HECW1: variants seen among roughly 807,000 people sequenced by gnomAD.
HECW1 encodes the protein HECT, C2 and WW domain containing E3 ubiquitin protein ligase 1.
Under a neutral mutation model 182.3 loss-of-function variants are expected in HECW1, and 61 were observed. The ratio of observed to expected loss-of-function variants is 0.33; its 90% CI spans 0.27 to 0.41. HECW1 has a LOEUF of 0.41. Among genes scored for constraint, HECW1 ranks in the 10% least tolerant of loss-of-function variants. HECW1 has a pLI of 1.00. For missense variants in HECW1, 1,739 were observed against 2,108.9 expected (o/e 0.82, Z 3.44); for synonymous variants, 859 against 832.6 (o/e 1.03, Z -0.55).
chr7:43,444,304 G>A lies in HECW1; in HGVS notation c.1132G>A (p.Gly378Arg). The change falls in exon 11 of 30, where the codon GGG (glycine) becomes AGG (arginine). Residue 378 changes from glycine to arginine, a missense_variant. By Grantham distance (125) the Gly-to-Arg change is moderately radical (BLOSUM62 -2). Coordinates refer to ENST00000395891, the MANE Select transcript of HECW1 (RefSeq NM_015052.5). This position sits in a 1 kb window ranked among gnomAD's most constrained non-coding sequence, Gnocchi z 4.3. Reference protein sequence around the residue: ...PMNNLMESGSGEPRSEAPESS... With the variant: ...PMNNLMESGSREPRSEAPESS... ...GAACAACCTGATGGAAAGCGGCAGT[G>A]GGGAACCTCGGTCTGAGGCACCAGA... 1 of 1,614,194 alleles carries A rather than the reference G, an allele frequency of 6.2e-7. No homozygotes were observed. Among genetic ancestry groups the A allele is most frequent in the South Asian group, 1.1e-5 (1 of 91,090 alleles).
At chr7:43,379,321 A>G (rs1190887603) in intron 6 of HECW1, among the ~76,000 whole-genome samples, 6 of 152,132 alleles carry the variant, frequency 3.9e-5, no homozygotes, top group Non-Finnish European at 8.8e-5. Context: ...GGCAATCAGA[A>G]CACAGCCAGC....
rs1293180265 is a variant in HECW1 at position 43,303,430 on chromosome 7, G to C, written c.28-8333G>C. Reference sequence around the variant, plus strand: ...CTTATTGGTGGATTTTTTTTTATGAGCGATAAGGCATTATGTGTTCCTAAA... The same window carrying C: ...CTTATTGGTGGATTTTTTTTTATGACCGATAAGGCATTATGTGTTCCTAAA... On this transcript the variant is annotated intron_variant, in intron 3 of 29. Transcript: ENST00000395891. Among the ~76,000 whole-genome samples, 7 of 150,372 alleles carry C rather than the reference G, an allele frequency of 4.7e-5. No homozygotes were observed. The East Asian group carries it at 1.2e-3, about 25-fold the overall frequency.
intron 2 of HECW1, among the ~76,000 whole-genome samples, chr7:43,214,101 T>C (rs1053974255): frequency 1.5e-4 from 23 of 151,974 alleles, no homozygotes; most frequent in Non-Finnish European, 2.2e-4. Context: ...TTCCCTCTAG[T>C]TTTTCTTTTC....
At chr7:43,340,484 G>T (rs1812829679) in intron 5 of HECW1, among the ~76,000 whole-genome samples, 1 of 151,338 alleles carries the variant, frequency 6.6e-6, no homozygotes. Flanking sequence ...GCCTTCCAAA[G>T]TGCTGGGATT....
intron 2 of HECW1, among the ~76,000 whole-genome samples, chr7:43,207,293 C>T (rs574445691): frequency 1.3e-5 from 2 of 152,246 alleles, no homozygotes; most frequent in East Asian, 1.9e-4. Context: ...GTGCTCTGCC[C>T]ACCTCAGCCA....
intron 12 of HECW1, among the ~76,000 whole-genome samples, chr7:43,452,255 G>A (rs989885851): frequency 1.3e-5 from 2 of 152,200 alleles, no homozygotes; most frequent in African/African-American, 4.8e-5. Flanking sequence ...CTCCAGGAAA[G>A]GGATGCTTTC....
chr7:43,445,335 C>G lies in HECW1; in HGVS notation c.2163C>G (p.Ser721=), dbSNP rs201225073. 1.9e-6 allele frequency: 3 copies of G among 1,613,726 alleles called. No individual in the cohort carries two copies. The highest frequency in any genetic ancestry group is 2.5e-6 in the Non-Finnish European group (3 of 1,180,046). ...NRFASHTRFS[S]VDSAKISEST... ...TCGCCAGCCACACGCGCTTCTCCTCCGTGGACAGCGCCAAGATCTCCGAGA... is the reference window on the plus strand; with the variant it reads ...TCGCCAGCCACACGCGCTTCTCCTCGGTGGACAGCGCCAAGATCTCCGAGA... Residue 721 remains serine (S), a synonymous_variant, in exon 11 of 30, where the codon TCC becomes TCG. Transcript: ENST00000395891.
chr7:43,329,827 G>A (rs983372944), intron 5 of HECW1, among the ~76,000 whole-genome samples: 1 of 152,162 alleles, frequency 6.6e-6, no homozygotes, highest in Admixed American at 6.5e-5. Context: ...GTAAAGTAGT[G>A]TTTCTCAAAG....
chr7:43,173,659 C>G (rs1791914737), intron 2 of HECW1, among the ~76,000 whole-genome samples: 1 of 152,168 alleles, frequency 6.6e-6, no homozygotes, highest in Admixed American at 6.5e-5. Context: ...AGCCACTGAT[C>G]TGACAGGAGG....
At chr7:43,230,776 AAAAC>A (rs758531164) in intron 2 of HECW1, among the ~76,000 whole-genome samples, 16 of 152,264 alleles carry the variant, frequency 1.1e-4, no homozygotes, top group Non-Finnish European at 2.2e-4. Flanking sequence ...AGAAAAAGGA[AAAAC>A]AAACAGCAAA....
chr7:43,276,795 T>C (rs1054837551), intron 3 of HECW1, among the ~76,000 whole-genome samples: 5 of 152,242 alleles, frequency 3.3e-5, no homozygotes, highest in Admixed American at 2.6e-4. Context: ...AGTTCTTTAT[T>C]TGGCACATGC....
At position 43,473,564 on chromosome 7, in the gene HECW1, T is replaced by A. The variant is rs148730123; in HGVS notation, c.3099+4459T>A. 8.0e-4 allele frequency among the ~76,000 whole-genome samples: 122 copies of A among 152,226 alleles called. 2 individuals carry two copies. The East Asian group carries it at 0.018, about 22-fold the overall frequency. ...AGTCTAAATAAAATATGGGAAAAGTTGTATAATACAAATGGAATAGTTGTA... is the reference window on the plus strand; with the variant it reads ...AGTCTAAATAAAATATGGGAAAAGTAGTATAATACAAATGGAATAGTTGTA... On this transcript the variant is annotated intron_variant, in intron 16 of 29. Transcript: ENST00000395891.
chr7:43,182,786 AC>A (rs1172013578), intron 2 of HECW1, among the ~76,000 whole-genome samples: 5 of 152,120 alleles, frequency 3.3e-5, no homozygotes, highest in African/African-American at 1.2e-4. Context: ...GATCATTTTC[AC>A]AATATTAATT....
intron 2 of HECW1, among the ~76,000 whole-genome samples, chr7:43,202,706 C>T (rs539968616): frequency 2.6e-4 from 40 of 152,276 alleles, no homozygotes; most frequent in Admixed American, 1.7e-3. Flanking sequence ...CTCCTGACTT[C>T]AGTGTCAGGC....
intron 4 of HECW1, among the ~76,000 whole-genome samples, chr7:43,316,333 G>A (rs1189436635): frequency 6.6e-6 from 1 of 152,160 alleles, no homozygotes; most frequent in African/African-American, 2.4e-5. Context: ...ACTGATGTGA[G>A]CTAGTGCTTC....
At chr7:43,249,405 A>G (rs574307605) in intron 3 of HECW1, 2 of 152,292 alleles carry the variant, frequency 1.3e-5, no homozygotes, top group Non-Finnish European at 2.9e-5. Context: ...GGTCCTGGCC[A>G]TTGAACAACT....
intron 2 of HECW1, among the ~76,000 whole-genome samples, chr7:43,237,832 TC>T (rs113519082): frequency 0.19 from 28,734 of 149,842 alleles, 3,831 homozygotes; most frequent in African/African-American, 0.38. Context: ...CACCAGTCTT[TC>T]CCCCCCGCCG....
intron 2 of HECW1, among the ~76,000 whole-genome samples, chr7:43,221,525 C>G (rs1037980222): frequency 2.4e-5 from 3 of 125,592 alleles, no homozygotes; most frequent in South Asian, 2.7e-4. Flanking sequence ...AACTAAATGT[C>G]AGAGGAATTA....
In HECW1 at chr7:43,564,531, A is replaced by T. The variant is rs1585319649; in HGVS notation, c.*2605A>T. 1.1e-5 allele frequency: 2 copies of T among 189,406 alleles called. No individual in the cohort carries two copies. The highest frequency in any genetic ancestry group is 1.7e-4 in the East Asian group (2 of 12,040). The allele number at this position is 189,406 out of a possible 1,614,324, so 11.7% of individuals were successfully genotyped here. A position where few individuals can be genotyped will look rare whatever the true frequency, so the allele number is the denominator to read the frequency against. ...AGTACTACTGATGTCACAGCTATAG[A>T]TCTATCCCACAAAGCATAACAGGAA... is the stretch of plus-strand genomic sequence containing the variant. On this transcript the variant is annotated 3_prime_UTR_variant, in exon 30 of 30. Coordinates refer to ENST00000395891, the MANE Select transcript of HECW1 (RefSeq NM_015052.5).
Sources: gnomAD v4.1 joint callset for allele counts (sites outside exome capture counted in the v4.1 genomes callset) on GRCh38, gnomAD v4.1.1 for gene constraint, Gnocchi (gnomAD v3.1) non-coding constraint, MANE v1.5 for transcripts, NCBI Gene and HGNC (gene_info 2026-07-23, HGNC 2026-07-21) for gene names.